The following KIF5B variants were observed in gnomAD, a reference collection of about 807,000 sequenced individuals.
The protein encoded by KIF5B is kinesin family member 5B.
In KIF5B, 49 loss-of-function variants were observed where a neutral mutation model predicts 132.8. That is an observed-to-expected ratio of 0.37 (90% CI 0.29 to 0.47). The LOEUF is 0.47. Ranked by LOEUF, KIF5B falls within the 20% of genes least tolerant of loss-of-function variation. The pLI is 1.00. For missense variants in KIF5B, 780 were observed against 1,144.0 expected, an observed-to-expected ratio of 0.68 and a Z score of 4.59; for synonymous variants, 355 against 369.4, an observed-to-expected ratio of 0.96 and a Z score of 0.45.
intron 22 of KIF5B, 23 bp from the exon 23 acceptor site, chr10:32,018,179 AC>A: frequency 6.5e-7 from 1 of 1,541,280 alleles, no homozygotes; most frequent in Middle Eastern, 1.7e-4. Context: ...GGTAAGTATT[AC>A]AAAAAAATTA....
intron 24 of KIF5B, among the ~76,000 whole-genome samples, chr10:32,016,276 G>A (rs1841161008): frequency 1.3e-5 from 2 of 151,990 alleles, no homozygotes; most frequent in Admixed American, 1.3e-4. Context: ...GACCAACAAG[G>A]AGAAACCCTG....
chr10:32,043,199 C>T (rs61844303), intron 2 of KIF5B, among the ~76,000 whole-genome samples: 8 of 152,164 alleles, frequency 5.3e-5, no homozygotes. Flanking sequence ...GACAGGGTTT[C>T]ACCATGTTGG....
intron 1 of KIF5B, among the ~76,000 whole-genome samples, chr10:32,049,382 G>A (rs1195913660): frequency 6.6e-6 from 1 of 152,112 alleles, no homozygotes; most frequent in Non-Finnish European, 1.5e-5. Context: ...CTTGGAGAAA[G>A]AATATTTAAG....
chr10:32,048,842 G>A (rs1841650003), intron 1 of KIF5B, among the ~76,000 whole-genome samples: 1 of 151,952 alleles, frequency 6.6e-6, no homozygotes, highest in Non-Finnish European at 1.5e-5. Flanking sequence ...GCCAAATATT[G>A]CTGAGTGATT....
In KIF5B at chr10:32,031,391, A is replaced by G. The variant is rs532403802; in HGVS notation, c.1375-112T>C. On this transcript the variant is annotated intron_variant, in intron 13 of 25. Coordinates refer to ENST00000302418, the MANE Select transcript of KIF5B (RefSeq NM_004521.3). ...ATGGAGTGAAATATGGATGGTATTCAGTGTGGCAACATTTATTCATTAAAC... is the reference window on the plus strand; with the variant it reads ...ATGGAGTGAAATATGGATGGTATTCGGTGTGGCAACATTTATTCATTAAAC... 1.1e-3 allele frequency: 810 copies of G among 760,368 alleles called. 1 individual carries two copies. Among genetic ancestry groups the G allele is most frequent in the African/African-American group, 8.6e-3 (494 of 57,128 alleles). 47.1% of individuals were successfully genotyped at this position (760,368 alleles called of 1,614,324 possible). A position where few individuals can be genotyped will look rare whatever the true frequency, so the allele number is the denominator to read the frequency against.
intron 1 of KIF5B, 56 bp from the exon 2 acceptor site, chr10:32,048,607 A>C: frequency 8.1e-7 from 1 of 1,239,830 alleles, no homozygotes; most frequent in Non-Finnish European, 1.2e-6. Context: ...GAACATTTCT[A>C]ACCTTTACAG....
chr10:32,034,098 C>A, intron 11 of KIF5B, 60 bp from the exon 12 acceptor site: 11 of 1,060,256 alleles, frequency 1.0e-5, no homozygotes, highest in Non-Finnish European at 1.3e-5. Context: ...ATTTCAATTT[C>A]ATTCCTTTAA....
chr10:32,044,447 G>A (rs776395602), intron 2 of KIF5B, among the ~76,000 whole-genome samples: 3 of 152,274 alleles, frequency 2.0e-5, no homozygotes, highest in Non-Finnish European at 2.9e-5. Flanking sequence ...CAAGGTGGGC[G>A]GATCACCTGA....
chr10:32,033,737 T>C (rs927185134), intron 12 of KIF5B, 108 bp downstream of exon 12: 20 of 644,774 alleles, frequency 3.1e-5, no homozygotes, highest in Non-Finnish European at 3.4e-5. Context: ...GGAAGATGCA[T>C]AAAGATCCTA....
intron 2 of KIF5B, among the ~76,000 whole-genome samples, chr10:32,041,210 T>G (rs1297150624): frequency 1.3e-5 from 2 of 151,620 alleles, no homozygotes; most frequent in African/African-American, 4.8e-5. Flanking sequence ...CAGATTTTCT[T>G]TATGCTAATA....
chr10:32,015,122 CAAAAAG>C (rs1238198663), intron 25 of KIF5B, among the ~76,000 whole-genome samples: 5 of 127,134 alleles, frequency 3.9e-5, no homozygotes, highest in Admixed American at 2.5e-4. Context: ...GATTCCATCT[CAAAAAG>C]AAAAAGAAAA....
rs755716349 is a variant in KIF5B at position 32,017,203 on chromosome 10, G to A, written c.2701C>T (p.Arg901Cys). The change falls in exon 24 of 26, where the codon CGC becomes TGC. Residue 901 changes from arginine (R) to cysteine (C), a missense_variant. Physicochemically the swap from Arg to Cys is radical, Grantham distance 180. This residue lies in a region of KIF5B where 90 missense variants were observed against 101.8 expected (regional missense o/e 0.88). Transcript: ENST00000302418. ...TTTGACCTGACTGCTTCCTTTATGC[G>A]ATCTACTTCTTGCTGATAGCGTTTG... is the stretch of plus-strand genomic sequence containing the variant. ...DRKRYQQEVD[R>C]IKEAVRSKNM... is the part of the protein sequence containing the mutation. 5.0e-6 allele frequency: 8 copies of A among 1,614,058 alleles called. No individual in the cohort carries two copies. The highest frequency in any genetic ancestry group is 1.7e-5 in the Admixed American group (1 of 60,010).
chr10:32,050,295 C>T (rs577638168), intron 1 of KIF5B, among the ~76,000 whole-genome samples: 8 of 152,240 alleles, frequency 5.3e-5, no homozygotes, highest in African/African-American at 1.2e-4. Context: ...ATAAATAGGC[C>T]GGAAAGCCAA....
rs951425732 is a variant in KIF5B at position 32,056,207 on chromosome 10, G to C, written c.-234C>G. 1.4e-5 allele frequency: 7 copies of C among 503,916 alleles called. No individual in the cohort carries two copies. The highest frequency in any genetic ancestry group is 2.1e-5 in the Non-Finnish European group (6 of 291,248). The allele number at this position is 503,916 out of a possible 1,614,324, so 31.2% of individuals were successfully genotyped here. A position where few individuals can be genotyped will look rare whatever the true frequency, so the allele number is the denominator to read the frequency against. On this transcript the variant is annotated 5_prime_UTR_variant, in exon 1 of 26. Coordinates refer to ENST00000302418, the MANE Select transcript of KIF5B (RefSeq NM_004521.3). ...GATCCATCATGGCAGCCATGGCGGC[G>C]GCAGCGGCGGCGGCACCGGGGAGAG...
At chr10:32,054,216 T>C (rs369213979) in intron 1 of KIF5B, among the ~76,000 whole-genome samples, 21 of 152,226 alleles carry the variant, frequency 1.4e-4, no homozygotes, top group East Asian at 5.8e-4. Flanking sequence ...AAGAAACTAA[T>C]AGCCTCAAGT....
At chr10:32,049,821 A>C (rs1432205217) in intron 1 of KIF5B, among the ~76,000 whole-genome samples, 2 of 152,210 alleles carry the variant, frequency 1.3e-5, no homozygotes, top group Admixed American at 1.3e-4. Context: ...TTGTGAGGCC[A>C]AGACAAAACT....
intron 20 of KIF5B, among the ~76,000 whole-genome samples, chr10:32,018,912 T>C (rs1186207738): frequency 6.6e-6 from 1 of 152,100 alleles, no homozygotes; most frequent in Non-Finnish European, 1.5e-5. Context: ...CCTAGGCTGA[T>C]TCTCAAACAC....
rs779191916 is a variant in KIF5B, at chr10:32,015,545, C to T, written c.2876G>A (p.Gly959Glu). Residue 959 changes from glycine to glutamate, a missense_variant, in exon 25 of 26, where the codon GGA becomes GAA. Gly to Glu is a moderately conservative substitution (Grantham distance 98). Around this residue, in one of 9 missense-constraint regions of KIF5B, gnomAD observed 90 missense variants for 101.8 expected, o/e 0.88. Transcript: ENST00000302418. ...TATAAACGATTACACTTGTTTGCCT[C>T]CTCCACCTCGCACTGCCACTGGCTG... ...NSQPVAVRGG[G>E]GKQV is the part of the protein sequence containing the mutation. The T allele has an allele frequency of 2.5e-6, 4 of 1,611,862 alleles. No individual in the cohort carries two copies. The South Asian group carries it at 4.4e-5, about 18-fold the overall frequency.
In KIF5B at chr10:32,009,177, T is replaced by C. The variant is rs1841034077; in HGVS notation, c.*2360A>G. 1 of 152,212 alleles carries C rather than the reference T, an allele frequency of 6.6e-6. No individual in the cohort carries two copies. The highest frequency in any genetic ancestry group is 6.5e-5 in the Admixed American group (1 of 15,276). 9.4% of individuals were successfully genotyped at this position (152,212 alleles called of 1,614,324 possible). ...ACAGGTAGACTCAGACTCTCTTCTG[T>C]CACCTCATGTCAAATGGAGTTAAGC... On this transcript the variant is annotated 3_prime_UTR_variant, in exon 26 of 26. Transcript: ENST00000302418.
Sources: gnomAD v4.1 joint callset for allele counts (sites outside exome capture counted in the v4.1 genomes callset) on GRCh38, gnomAD v4.1.1 for gene constraint, gnomAD v4.1.1 regional missense constraint, MANE v1.5 for transcripts, NCBI Gene and HGNC (gene_info 2026-07-23, HGNC 2026-07-21) for gene names.